Variants in SUMF1 observed in about 807,000 individuals in gnomAD.
The protein encoded by SUMF1 is formylglycine-generating enzyme.
Under a neutral mutation model 47.6 loss-of-function variants are expected in SUMF1, and 48 were observed. The observed-to-expected ratio is 1.01, with a 90% CI of 0.80 to 1.28. The LOEUF is 1.28. Among genes scored for constraint, SUMF1 ranks in the 50% most tolerant of loss-of-function variants. The probability of loss-of-function intolerance (pLI) is 0.00; values close to 1 mark genes in which losing one functional copy is unlikely to be tolerated. For synonymous variants in SUMF1, 230 were observed against 192.1 expected, an observed-to-expected ratio of 1.20 and a Z score of -1.63; for missense variants, 571 against 485.4, an observed-to-expected ratio of 1.18 and a Z score of -1.66.
At chr3:4,382,458 C>G (rs1281782301) in intron 7 of SUMF1, among the ~76,000 whole-genome samples, 1 of 151,948 alleles carries the variant, frequency 6.6e-6, no homozygotes, top group Non-Finnish European at 1.5e-5. Flanking sequence ...CACGAAGATG[C>G]AATGAACAAA....
intron 3 of SUMF1, among the ~76,000 whole-genome samples, chr3:4,448,272 G>C (rs1372620420): frequency 6.6e-6 from 1 of 152,114 alleles, no homozygotes; most frequent in Admixed American, 6.5e-5. Context: ...GCAAACATAA[G>C]CCAGGACAGT....
At chr3:4,128,543 A>C (rs1432740824) in intron 8 of SUMF1, among the ~76,000 whole-genome samples, 1 of 152,102 alleles carries the variant, frequency 6.6e-6, no homozygotes, top group Non-Finnish European at 1.5e-5. Flanking sequence ...CTGCCAGGCA[A>C]GATAATGTAC....
At chr3:4,368,863 C>T (rs1433841609) in intron 8 of SUMF1, among the ~76,000 whole-genome samples, 2 of 152,086 alleles carry the variant, frequency 1.3e-5, no homozygotes, top group Non-Finnish European at 2.9e-5. Flanking sequence ...TCCAAAAAAA[C>T]GGAGAATAAA....
At chr3:4,307,646 A>G (rs1445856785) in intron 8 of SUMF1, among the ~76,000 whole-genome samples, 3 of 152,202 alleles carry the variant, frequency 2.0e-5, no homozygotes, top group Admixed American at 1.3e-4. Flanking sequence ...TTTTGCCGTG[A>G]TTGTTTTGCA....
chr3:4,357,747 A>G (rs1699654330), downstream of SUMF1, among the ~76,000 whole-genome samples: 1 of 151,878 alleles, frequency 6.6e-6, no homozygotes, highest in Non-Finnish European at 1.5e-5. Context: ...AGCTGGGATT[A>G]CAGGCATGCA....
At chr3:4,348,348 G>A (rs1466352915) in intron 8 of SUMF1, among the ~76,000 whole-genome samples, 1 of 152,092 alleles carries the variant, frequency 6.6e-6, no homozygotes, top group African/African-American at 2.4e-5. Context: ...CAATGGAGCA[G>A]AACAGAGACC....
intron 8 of SUMF1, among the ~76,000 whole-genome samples, chr3:4,200,516 C>A (rs1031850338): frequency 6.6e-6 from 1 of 152,044 alleles, no homozygotes; most frequent in African/African-American, 2.4e-5. Flanking sequence ...GGACTTGCAC[C>A]AGCAGCTCTC....
chr3:4,119,688 G>A (rs373588819), intron 8 of SUMF1, among the ~76,000 whole-genome samples: 20 of 151,368 alleles, frequency 1.3e-4, no homozygotes, highest in African/African-American at 4.6e-4. Flanking sequence ...TGGATCTCTA[G>A]CAAGAGGCCA....
chr3:4,410,901 C>A lies in SUMF1; in HGVS notation c.918G>T (p.Trp306Cys). Residue 306 changes from tryptophan (W) to cysteine (C), a missense_variant, in exon 7 of 9, where the codon TGG becomes TGT. Coordinates refer to ENST00000272902, the MANE Select transcript of SUMF1 (RefSeq NM_182760.4). ...TTTCTTCAACAGAATGATGAACAGT[C>A]CACCAGTCTGAAGTCCATTCCCATG... ...GNAWEWTSDW[W>C]TVHHSVEETL... is the part of the protein sequence containing the mutation. 1 of 1,614,084 alleles carries A rather than the reference C, an allele frequency of 6.2e-7. No homozygotes were observed. The highest frequency in any genetic ancestry group is 1.1e-5 in the South Asian group (1 of 91,080).
intron 9 of SUMF1, among the ~76,000 whole-genome samples, chr3:4,047,542 C>G (rs1050816472): frequency 6.6e-6 from 1 of 152,142 alleles, no homozygotes; most frequent in African/African-American, 2.4e-5. Context: ...AGTCAATGCC[C>G]TCAGGCAGCC....
At chr3:4,391,880 T>C (rs971936545) in intron 7 of SUMF1, among the ~76,000 whole-genome samples, 1 of 151,278 alleles carries the variant, frequency 6.6e-6, no homozygotes, top group African/African-American at 2.4e-5. Flanking sequence ...CAGGCTGGAG[T>C]GCATTGGTGC....
chr3:4,297,726 A>C (rs943887018), intron 8 of SUMF1, among the ~76,000 whole-genome samples: 2 of 152,086 alleles, frequency 1.3e-5, no homozygotes, highest in Admixed American at 1.3e-4. Flanking sequence ...TTCTTATTAG[A>C]AGGCTAAGAT....
intron 8 of SUMF1, among the ~76,000 whole-genome samples, chr3:4,370,493 A>G (rs1168411562): frequency 6.6e-6 from 1 of 152,202 alleles, no homozygotes. Context: ...CTCTTAAATT[A>G]TATCAGAAAC....
chr3:4,084,867 C>G (rs888784290), intron 8 of SUMF1, among the ~76,000 whole-genome samples: 1 of 151,970 alleles, frequency 6.6e-6, no homozygotes, highest in Non-Finnish European at 1.5e-5. Context: ...GACCATTATC[C>G]CTCAGAAGTG....
chr3:4,429,884 G>A (rs971601387), intron 3 of SUMF1, among the ~76,000 whole-genome samples: 3 of 152,208 alleles, frequency 2.0e-5, no homozygotes, highest in African/African-American at 7.2e-5. Context: ...CACTGCACCA[G>A]TGGCAAGGTG....
intron 1 of SUMF1, among the ~76,000 whole-genome samples, chr3:4,466,122 T>C (rs1483919354): frequency 6.6e-6 from 1 of 152,112 alleles, no homozygotes; most frequent in African/African-American, 2.4e-5. Context: ...TCTTTCTTTT[T>C]TTTTTTCGAG....
At chr3:4,191,989 T>C (rs1288261707) in intron 8 of SUMF1, among the ~76,000 whole-genome samples, 1 of 151,842 alleles carries the variant, frequency 6.6e-6, no homozygotes, top group South Asian at 2.1e-4. Context: ...AGAGAGGAGG[T>C]GATGTTTAGC....
At position 4,143,574 on chromosome 3, in the gene SUMF1, G is replaced by A. The variant is rs147378533; in HGVS notation, c.1015-74829C>T. ...ATTTTGACATAAAACATAATCAAACGATATTCATGAGCCCTCTCTGTGAAC... is the reference window on the plus strand; with the variant it reads ...ATTTTGACATAAAACATAATCAAACAATATTCATGAGCCCTCTCTGTGAAC... On this transcript the variant is annotated intron_variant and NMD_transcript_variant, in intron 8 of 12. Coordinates refer to the SUMF1 transcript ENST00000448413. Among the ~76,000 whole-genome samples, 434 of 152,134 alleles carry A rather than the reference G, an allele frequency of 2.9e-3. 4 individuals are homozygous for A. The highest frequency in any genetic ancestry group is 1.0e-2 in the African/African-American group (414 of 41,494).
At chr3:4,059,808 A>C (rs574881175) in intron 9 of SUMF1, among the ~76,000 whole-genome samples, 43 of 152,146 alleles carry the variant, frequency 2.8e-4, no homozygotes, top group South Asian at 4.2e-4. Context: ...AAAAAAAAAA[A>C]AAAACCTTGA....
Sources: gnomAD v4.1 joint callset for allele counts (sites outside exome capture counted in the v4.1 genomes callset) on GRCh38, gnomAD v4.1.1 for gene constraint, MANE v1.5 for transcripts, NCBI Gene and HGNC (gene_info 2026-07-23, HGNC 2026-07-21) for gene names.